The following STAMBPL1 variants were observed in gnomAD, a reference collection of about 807,000 sequenced individuals.
STAMBPL1 encodes the protein AMSH-like protease.
A neutral mutation model predicts 52.9 loss-of-function variants in STAMBPL1; 44 were observed. The observed-to-expected ratio is 0.83, with a 90% CI of 0.65 to 1.07. The LOEUF is 1.07. STAMBPL1 is among the 50% of genes least tolerant of loss of function. The pLI, the probability that STAMBPL1 is intolerant of heterozygous loss-of-function variation, is 0.00. For missense variants in STAMBPL1, 511 were observed against 520.8 expected (o/e 0.98, Z 0.18); for synonymous variants, 164 against 177.3 (o/e 0.92, Z 0.60).
Position 88,908,682 on chromosome 10 carries a change from A to T in STAMBPL1, c.249-20A>T. The T allele has an allele frequency of 6.2e-7, 1 of 1,601,782 alleles. No individual in the cohort carries two copies. Among genetic ancestry groups the T allele is most frequent in the Non-Finnish European group, 8.5e-7 (1 of 1,173,306 alleles). ...CTTTTGCTGTCACATAATGCTAAGG[A>T]CATGTTTTCTCTTCCTTAGCTTATT... is the stretch of plus-strand genomic sequence containing the variant. On this transcript the variant is annotated intron_variant, in intron 3 of 10. Transcript: ENST00000371926.
At chr10:88,911,597 A>C (rs1021605330) in intron 5 of STAMBPL1, among the ~76,000 whole-genome samples, 1 of 152,178 alleles carries the variant, frequency 6.6e-6, no homozygotes, top group Non-Finnish European at 1.5e-5. Flanking sequence ...AATGTATGGG[A>C]TACTCACGTT....
Position 88,905,476 on chromosome 10 carries a change from G to A in STAMBPL1, c.64G>A (p.Val22Ile), listed in dbSNP as rs1845049284. Residue 22 changes from valine to isoleucine, a missense_variant, in exon 3 of 11, where the codon GTT becomes ATT. Around this residue, in one of 3 missense-constraint regions of STAMBPL1, gnomAD observed 358 missense variants for 343.5 expected, o/e 1.04. Coordinates refer to ENST00000371926, the MANE Select transcript of STAMBPL1 (RefSeq NM_020799.4). ...KLAAMPDHTDVSLSPEERVRA... is the reference protein window; with the variant it reads ...KLAAMPDHTDISLSPEERVRA... ...AGCTGCTATGCCTGACCATACAGAT[G>A]TTTCCCTAAGCCCAGAAGAGCGAGT... is the stretch of plus-strand genomic sequence containing the variant. 1 of 1,614,084 alleles carries A rather than the reference G, an allele frequency of 6.2e-7. No individual in the cohort carries two copies. The highest frequency in any genetic ancestry group is 8.5e-7 in the Non-Finnish European group (1 of 1,179,992).
rs544336965 is a variant in STAMBPL1, at chr10:88,896,546, G to A, written c.-53-5110G>A. Among the ~76,000 whole-genome samples, 4 of 152,344 alleles carry A rather than the reference G, an allele frequency of 2.6e-5. No individual in the cohort carries two copies. The South Asian group carries it at 8.3e-4, about 32-fold the overall frequency. ...AAACATGACCACTAACCCAGTGGCT[G>A]TTGGTTTGGCCAATTAGAAATGAGA... On this transcript the variant is annotated intron_variant, in intron 1 of 10. Transcript: ENST00000371926.
chr10:88,905,743 T>A, intron 3 of STAMBPL1, 83 bp downstream of exon 3: 1 of 1,128,992 alleles, frequency 8.9e-7, no homozygotes, highest in Non-Finnish European at 1.3e-6. Context: ...TGGGTATCAG[T>A]AATGTTTTCA....
chr10:88,895,945 A>G (rs1844800302), intron 1 of STAMBPL1, among the ~76,000 whole-genome samples: 1 of 152,210 alleles, frequency 6.6e-6, no homozygotes, highest in Non-Finnish European at 1.5e-5. Context: ...TGGTTTGTTT[A>G]ATCATCTTTC....
chr10:88,884,414 G>A (rs911752394), intron 1 of STAMBPL1, among the ~76,000 whole-genome samples: 1 of 152,168 alleles, frequency 6.6e-6, no homozygotes, highest in Non-Finnish European at 1.5e-5. Flanking sequence ...TTGAAAGGGA[G>A]CAAGTGAGGA....
intron 1 of STAMBPL1, among the ~76,000 whole-genome samples, chr10:88,880,969 T>C (rs1844388873): frequency 6.6e-6 from 1 of 151,980 alleles, no homozygotes; most frequent in African/African-American, 2.4e-5. Context: ...GGTGCGCCTG[T>C]TTTTTTGGTT....
chr10:88,921,363 C>G lies in STAMBPL1; in HGVS notation c.1122C>G (p.Ala374=), dbSNP rs1845507088. 1.2e-6 allele frequency: 2 copies of G among 1,613,146 alleles called. No homozygotes were observed. The highest frequency in any genetic ancestry group is 1.7e-5 in the Admixed American group (1 of 59,914). The stretch of plus-strand genomic sequence containing the variant: ...CCTATCAACTCATGTTGCCAGAGGC[C>G]ATTGCCATTGTTTGCTCACCAAAGC... ...HCSYQLMLPE[A]IAIVCSPKHK... The change falls in exon 9 of 11, where the codon GCC becomes GCG. Residue 374 remains alanine, a synonymous_variant. Transcript: ENST00000371926.
At position 88,905,464 on chromosome 10, in the gene STAMBPL1, G is replaced by T; in HGVS notation, c.52G>T (p.Asp18Tyr). Residue 18 changes from aspartate (D) to tyrosine (Y), a missense_variant, in exon 3 of 11, where the codon GAC becomes TAC. Asp to Tyr is a radical substitution (Grantham distance 160, BLOSUM62 -3). Around this residue, in one of 3 missense-constraint regions of STAMBPL1, gnomAD observed 358 missense variants for 343.5 expected, o/e 1.04. Transcript: ENST00000371926. ...GCAGAAAAAGTTAGCTGCTATGCCT[G>T]ACCATACAGATGTTTCCCTAAGCCC... ...NSLKKLAAMP[D>Y]HTDVSLSPEE... The T allele has an allele frequency of 6.2e-7, 1 of 1,614,024 alleles. No homozygotes were observed. The highest frequency in any genetic ancestry group is 1.1e-5 in the South Asian group (1 of 91,042).
Position 88,921,814 on chromosome 10 carries a change from C to A in STAMBPL1, c.1154+419C>A, listed in dbSNP as rs182889358. Among the ~76,000 whole-genome samples, 12 of 152,194 alleles carry A rather than the reference C, an allele frequency of 7.9e-5. No individual in the cohort carries two copies. In the South Asian group the frequency reaches 2.5e-3, roughly 32 times the overall value. ...AAACATATTGAAATCCTGGCTCCAC[C>A]CCTCAAGTGGTGTGTTAGGCAGGAT... On this transcript the variant is annotated intron_variant, in intron 9 of 10. Transcript: ENST00000371926.
chr10:88,918,308 C>CAT (rs541074488), intron 8 of STAMBPL1, among the ~76,000 whole-genome samples: 4,393 of 144,794 alleles, frequency 0.03, 109 homozygotes, highest in South Asian at 0.079. Context: ...CACACACATA[C>CAT]ACACACACAC....
Position 88,922,344 on chromosome 10 carries a change from A to G in STAMBPL1, c.1162A>G (p.Ile388Val). The change falls in exon 10 of 11, where the codon ATC becomes GTC. Residue 388 changes from isoleucine (I) to valine (V), a missense_variant. This residue lies in a region of STAMBPL1 where 137 missense variants were observed against 139.9 expected (regional missense o/e 0.98). Coordinates refer to ENST00000371926, the MANE Select transcript of STAMBPL1 (RefSeq NM_020799.4). ...TTTTGCTCTGAAATTTAGCACTGGC[A>G]TCTTCAGGCTCACCAATGCTGGCAT... is the stretch of plus-strand genomic sequence containing the variant. ...VCSPKHKDTG[I>V]FRLTNAGMLE... 1 of 1,613,428 alleles carries G rather than the reference A, an allele frequency of 6.2e-7. No individual in the cohort carries two copies. The highest frequency in any genetic ancestry group is 8.5e-7 in the Non-Finnish European group (1 of 1,179,646).
At chr10:88,913,073 C>G in intron 5 of STAMBPL1, 28 bp from the exon 6 acceptor site, 1 of 1,533,040 alleles carries the variant, frequency 6.5e-7, no homozygotes. Context: ...GGAAACTAAC[C>G]TTCTCTTCTG....
rs1236342228 is a variant in STAMBPL1 at position 88,911,021 on chromosome 10, G to C, written c.420+10G>C. The C allele has an allele frequency of 6.6e-7, 1 of 1,506,840 alleles. No homozygotes were observed. Among genetic ancestry groups the C allele is most frequent in the African/African-American group, 1.4e-5 (1 of 70,800 alleles). 93.3% of individuals were successfully genotyped at this position (1,506,840 alleles called of 1,614,324 possible). A position where few individuals can be genotyped will look rare whatever the true frequency, so the allele number is the denominator to read the frequency against. ...ATATTTGCAAAGCAAAGTAAGTTCAGTTGGTACATTTATTTCATGACTATT... is the reference window on the plus strand; with the variant it reads ...ATATTTGCAAAGCAAAGTAAGTTCACTTGGTACATTTATTTCATGACTATT... On this transcript the variant is annotated intron_variant, in intron 5 of 10. Coordinates refer to ENST00000371926, the MANE Select transcript of STAMBPL1 (RefSeq NM_020799.4).
chr10:88,881,899 T>G (rs1285821642), intron 1 of STAMBPL1, among the ~76,000 whole-genome samples: 1 of 152,248 alleles, frequency 6.6e-6, no homozygotes, highest in Non-Finnish European at 1.5e-5. Flanking sequence ...AATGTGTCGC[T>G]GAGCAGTAGG....
In STAMBPL1 at chr10:88,903,173, G is replaced by A. The variant is rs569568399; in HGVS notation, c.30+1435G>A. ...ATTTGTGTTTTCATCCAAGAAGTCT[G>A]CATGCAAATGAAATATTATAGATTG... On this transcript the variant is annotated intron_variant, in intron 2 of 10. Transcript: ENST00000371926. 1.4e-4 allele frequency among the ~76,000 whole-genome samples: 21 copies of A among 152,304 alleles called. No homozygotes were observed. In the East Asian group the frequency reaches 3.9e-3, roughly 28 times the overall value.
chr10:88,886,515 G>T (rs1389799013), intron 1 of STAMBPL1, among the ~76,000 whole-genome samples: 2 of 151,990 alleles, frequency 1.3e-5, no homozygotes, highest in African/African-American at 4.8e-5. Flanking sequence ...GAGATTTAGT[G>T]AATTTGGCTT....
At chr10:88,914,348 ATAATT>A (rs1445327710) in intron 6 of STAMBPL1, among the ~76,000 whole-genome samples, 181 bp from the exon 7 acceptor site, 2 of 152,200 alleles carry the variant, frequency 1.3e-5, no homozygotes, top group African/African-American at 4.8e-5. Flanking sequence ...ATTTATATAC[ATAATT>A]TAATTTTACT....
At chr10:88,919,431 G>A (rs1041137157) in intron 8 of STAMBPL1, among the ~76,000 whole-genome samples, 2 of 152,078 alleles carry the variant, frequency 1.3e-5, no homozygotes, top group Non-Finnish European at 2.9e-5. Context: ...TGTCCTAATT[G>A]GAATGGACAT....
Sources: allele counts gnomAD v4.1 joint callset (sites outside exome capture counted in the v4.1 genomes callset), GRCh38; gene constraint gnomAD v4.1.1; regional missense constraint gnomAD v4.1.1; transcripts MANE v1.5; gene names NCBI Gene and HGNC (gene_info 2026-07-23, HGNC 2026-07-21).